Variants in KCND2 observed in about 807,000 individuals in gnomAD.
KCND2 encodes potassium voltage-gated channel subfamily D member 2.
A neutral mutation model predicts 54.4 loss-of-function variants in KCND2; 16 were observed. The ratio of observed to expected loss-of-function variants is 0.29; its 90% CI spans 0.20 to 0.45. KCND2 has a LOEUF of 0.45. KCND2 is among the 20% of genes least tolerant of loss of function. The pLI is 1.00. For synonymous variants in KCND2, 317 were observed against 310.7 expected (o/e 1.02, Z -0.21); for missense variants, 486 against 824.2 (o/e 0.59, Z 5.02).
chr7:120,466,739 A>C lies in KCND2; in HGVS notation c.1115+190992A>C, dbSNP rs2116251786. On this transcript the variant is annotated intron_variant, in intron 1 of 5. Coordinates refer to ENST00000331113, the MANE Select transcript of KCND2 (RefSeq NM_012281.3). The stretch of plus-strand genomic sequence containing the variant: ...TCCCAAACTTAGTGCTTAAAACACA[A>C]ATTTCCTCTGTTACAATTCTGATAT... Among the ~76,000 whole-genome samples, 2 of 152,266 alleles carry C rather than the reference A, an allele frequency of 1.3e-5. 1 individual carries two copies. Among genetic ancestry groups the C allele is most frequent in the Middle Eastern group, 6.8e-3 (2 of 294 alleles).
At chr7:120,544,048 A>T (rs1792014325) in intron 1 of KCND2, among the ~76,000 whole-genome samples, 1 of 152,012 alleles carries the variant, frequency 6.6e-6, no homozygotes, top group African/African-American at 2.4e-5. Flanking sequence ...GTCTGCTTCC[A>T]TGACCAACTT....
chr7:120,482,836 AT>A (rs1229831267), intron 1 of KCND2, among the ~76,000 whole-genome samples: 7 of 152,026 alleles, frequency 4.6e-5, no homozygotes, highest in Non-Finnish European at 8.8e-5. Context: ...CACTTTAAGA[AT>A]TTTTTTTCTA....
intron 1 of KCND2, among the ~76,000 whole-genome samples, chr7:120,472,506 T>G (rs949440325): frequency 2.0e-5 from 3 of 152,148 alleles, no homozygotes; most frequent in African/African-American, 7.2e-5. Flanking sequence ...TATCAAACCC[T>G]AAGTTCTTAT....
intron 2 of KCND2, among the ~76,000 whole-genome samples, chr7:120,739,949 T>C (rs992722890): frequency 3.9e-5 from 6 of 152,104 alleles, no homozygotes; most frequent in Admixed American, 2.6e-4. Context: ...CTTTAAAAAT[T>C]AATTGGCAGT....
At position 120,669,507 on chromosome 7, in the gene KCND2, A is replaced by T. The variant is rs141929544; in HGVS notation, c.1116-63396A>T. On this transcript the variant is annotated intron_variant, in intron 1 of 5. Coordinates refer to ENST00000331113, the MANE Select transcript of KCND2 (RefSeq NM_012281.3). The stretch of plus-strand genomic sequence containing the variant: ...GGATATATATAAATATAGCTATTTA[A>T]CTACATATCCCAGCTAATAGGCTTC... Among the ~76,000 whole-genome samples, 391 of 152,256 alleles carry T rather than the reference A, an allele frequency of 2.6e-3. 2 individuals carry two copies. The highest frequency in any genetic ancestry group is 8.9e-3 in the African/African-American group (372 of 41,570).
chr7:120,639,481 G>C lies in KCND2; in HGVS notation c.1116-93422G>C, dbSNP rs534783878. Among the ~76,000 whole-genome samples, 60 of 152,238 alleles carry C rather than the reference G, an allele frequency of 3.9e-4. 1 individual carries two copies. The highest frequency in any genetic ancestry group is 3.7e-3 in the South Asian group (18 of 4,820). On this transcript the variant is annotated intron_variant, in intron 1 of 5. Coordinates refer to ENST00000331113, the MANE Select transcript of KCND2 (RefSeq NM_012281.3). ...ATATGGTACTCCCAGTTCTAGCAGA[G>C]AGCAGTGCAACTCCACCCCCTGGGA...
intron 1 of KCND2, among the ~76,000 whole-genome samples, chr7:120,317,880 A>G (rs1799835913): frequency 6.6e-6 from 1 of 152,204 alleles, no homozygotes; most frequent in Non-Finnish European, 1.5e-5. Context: ...GAGATGTTCC[A>G]ACAATTAGTT....
At chr7:120,389,859 C>T (rs1271652281) in intron 1 of KCND2, among the ~76,000 whole-genome samples, 2 of 151,560 alleles carry the variant, frequency 1.3e-5, no homozygotes, top group Admixed American at 6.6e-5. Flanking sequence ...TTTATAGATC[C>T]CCAGACATTC....
chr7:120,297,228 C>T (rs1799525108), intron 1 of KCND2, among the ~76,000 whole-genome samples: 1 of 152,016 alleles, frequency 6.6e-6, no homozygotes, highest in Admixed American at 6.6e-5. Context: ...ATGAGATAGA[C>T]ATCTCTAATG....
At chr7:120,347,486 G>A (rs974742597) in intron 1 of KCND2, among the ~76,000 whole-genome samples, 14 of 152,120 alleles carry the variant, frequency 9.2e-5, no homozygotes, top group African/African-American at 2.7e-4. Flanking sequence ...GGCCGGGTGC[G>A]GTAGCTCAAG....
chr7:120,287,914 T>G (rs1584713376), intron 1 of KCND2, among the ~76,000 whole-genome samples: 1 of 152,244 alleles, frequency 6.6e-6, no homozygotes, highest in African/African-American at 2.4e-5. Flanking sequence ...TTATTAGATA[T>G]TATAGATAGA....
At chr7:120,693,788 C>T (rs1038153982) in intron 1 of KCND2, among the ~76,000 whole-genome samples, 21 of 152,316 alleles carry the variant, frequency 1.4e-4, no homozygotes, top group Non-Finnish European at 2.9e-4. Context: ...ATAGTCCTGT[C>T]TGAATCTGCA....
At chr7:120,550,707 G>A (rs1173663809) in intron 1 of KCND2, among the ~76,000 whole-genome samples, 1 of 152,078 alleles carries the variant, frequency 6.6e-6, no homozygotes, top group African/African-American at 2.4e-5. Flanking sequence ...TGCCTTCATA[G>A]CTCCCTGCCT....
chr7:120,311,672 G>C (rs994501527), intron 1 of KCND2, among the ~76,000 whole-genome samples: 3 of 152,012 alleles, frequency 2.0e-5, no homozygotes, highest in Admixed American at 6.6e-5. Context: ...TCATCATCCA[G>C]GTATTAAGCC....
intron 1 of KCND2, among the ~76,000 whole-genome samples, chr7:120,300,148 T>G (rs2116293242): frequency 6.6e-6 from 1 of 152,284 alleles, no homozygotes; most frequent in South Asian, 2.1e-4. Flanking sequence ...ATAAAATACC[T>G]GGTAAGGGAC....
At chr7:120,464,674 C>T (rs1378644511) in intron 1 of KCND2, among the ~76,000 whole-genome samples, 2 of 152,128 alleles carry the variant, frequency 1.3e-5, no homozygotes, top group Non-Finnish European at 2.9e-5. Context: ...GGGAAGAATG[C>T]ACTTATATGC....
chr7:120,624,463 G>T (rs560851330), intron 1 of KCND2, among the ~76,000 whole-genome samples: 4 of 152,042 alleles, frequency 2.6e-5, no homozygotes, highest in Non-Finnish European at 5.9e-5. Flanking sequence ...ATTGCAATTA[G>T]ACAGAAACAC....
At chr7:120,314,332 CAAA>C (rs761723040) in intron 1 of KCND2, among the ~76,000 whole-genome samples, 2 of 96,224 alleles carry the variant, frequency 2.1e-5, no homozygotes, top group Non-Finnish European at 2.3e-5. Flanking sequence ...GACTCCATCT[CAAA>C]AAAAAAAAAA....
intron 1 of KCND2, among the ~76,000 whole-genome samples, chr7:120,666,148 T>C (rs1482700207): frequency 6.6e-6 from 1 of 152,078 alleles, no homozygotes; most frequent in Non-Finnish European, 1.5e-5. Context: ...TATCATGAAA[T>C]ATTTTACATC....
Sources: gnomAD v4.1 joint callset for allele counts (sites outside exome capture counted in the v4.1 genomes callset) on GRCh38, gnomAD v4.1.1 for gene constraint, MANE v1.5 for transcripts, NCBI Gene and HGNC (gene_info 2026-07-23, HGNC 2026-07-21) for gene names.